Variants in ADARB1 observed in about 807,000 individuals in gnomAD.
ADARB1 encodes the protein adenosine deaminase RNA specific B1.
ADARB1 carries 10 observed loss-of-function variants against 52.4 expected under a neutral mutation model. The ratio of observed to expected loss-of-function variants is 0.19; its 90% confidence interval spans 0.12 to 0.32. The LOEUF (loss-of-function observed/expected upper bound fraction) is 0.32. ADARB1 is among the 10% of genes least tolerant of loss of function. The probability of loss-of-function intolerance (pLI) is 1.00; values close to 1 mark genes in which losing one functional copy is unlikely to be tolerated. For synonymous variants in ADARB1, 349 were observed against 371.1 expected (o/e 0.94, Z 0.68); for missense variants, 643 against 922.3 (o/e 0.70, Z 3.92).
At position 45,224,402 on chromosome 21, in the gene ADARB1, C is replaced by G. The variant is rs865885198; in HGVS notation, c.*2205C>G. On this transcript the variant is annotated 3_prime_UTR_variant, in exon 11 of 11. Coordinates refer to ENST00000348831, the MANE Select transcript of ADARB1 (RefSeq NM_001112.4). ...AGGTGGCACCTTTCCGGGGTGGACT[C>G]GTGCGGCCTTGAGGACAGGCACAGG... 1.0e-6 allele frequency: 1 copy of G among 981,050 alleles called. No individual in the cohort carries two copies. The highest frequency in any genetic ancestry group is 1.2e-6 in the Non-Finnish European group (1 of 828,810). 60.8% of individuals were successfully genotyped at this position (981,050 alleles called of 1,614,324 possible).
At position 45,142,732 on chromosome 21, in the gene ADARB1, C is replaced by T. The variant is rs1392467236; in HGVS notation, c.-48+14159C>T. ...TGTGCAGCTGCTGCGGCCTAAGCGGCGTCCTTGCTTGGTCCCCCCATGAAC... is the reference window on the plus strand; with the variant it reads ...TGTGCAGCTGCTGCGGCCTAAGCGGTGTCCTTGCTTGGTCCCCCCATGAAC... On this transcript the variant is annotated intron_variant, in intron 2 of 10. Coordinates refer to ENST00000348831, the MANE Select transcript of ADARB1 (RefSeq NM_001112.4). This position sits in a 1 kb window ranked among gnomAD's most constrained non-coding sequence, Gnocchi z 4.0. 2.0e-5 allele frequency among the ~76,000 whole-genome samples: 3 copies of T among 152,268 alleles called. No individual in the cohort carries two copies. The highest frequency in any genetic ancestry group is 2.9e-5 in the Non-Finnish European group (2 of 68,008).
At chr21:45,147,393 G>C (rs532607010) in intron 2 of ADARB1, among the ~76,000 whole-genome samples, 1 of 152,296 alleles carries the variant, frequency 6.6e-6, no homozygotes, top group South Asian at 2.1e-4. Context: ...GACGTCCTCT[G>C]TTGGGGATAC....
chr21:45,116,750 A>C (rs995996037), intron 1 of ADARB1, among the ~76,000 whole-genome samples: 2 of 152,072 alleles, frequency 1.3e-5, no homozygotes, highest in African/African-American at 2.4e-5. Flanking sequence ...GTGAGAACTC[A>C]CTCACTATCA....
intron 2 of ADARB1, among the ~76,000 whole-genome samples, chr21:45,164,542 C>T (rs1483797602): frequency 3.1e-5 from 1 of 32,672 alleles, no homozygotes. Flanking sequence ...GGGAGCGGGG[C>T]GGTGGGGTGG....
chr21:45,161,018 A>G (rs530097107), intron 2 of ADARB1, among the ~76,000 whole-genome samples: 1 of 152,366 alleles, frequency 6.6e-6, no homozygotes, highest in South Asian at 2.1e-4. Flanking sequence ...ATAACTTGGC[A>G]GGATTAATTG....
chr21:45,147,639 A>G (rs1410871712), intron 2 of ADARB1, among the ~76,000 whole-genome samples: 3 of 152,216 alleles, frequency 2.0e-5, no homozygotes, highest in African/African-American at 7.2e-5. Context: ...GGGGGTGCAC[A>G]GGAACAGCAC....
At chr21:45,141,441 T>TA (rs1375898888) in intron 2 of ADARB1, among the ~76,000 whole-genome samples, 1 of 152,188 alleles carries the variant, frequency 6.6e-6, no homozygotes, top group Non-Finnish European at 1.5e-5. Flanking sequence ...TAAGAATCTT[T>TA]AAAGAAATAC....
At position 45,184,946 on chromosome 21, in the gene ADARB1, C is replaced by A; in HGVS notation, c.1420C>A (p.Arg474Ser). Residue 474 changes from arginine (R) to serine (S), a missense_variant, in exon 8 of 11, where the codon CGT becomes AGT. Transcript: ENST00000348831. ...AGAACCAGCAGATAGACACCCAAAT[C>A]GTAAAGCAAGAGGACAGCTACGGAC... ...LEEPADRHPN[R>S]KARGQLRTKI... The A allele has an allele frequency of 6.2e-7, 1 of 1,612,960 alleles. No individual in the cohort carries two copies. Among genetic ancestry groups the A allele is most frequent in the Non-Finnish European group, 8.5e-7 (1 of 1,179,034 alleles).
intron 8 of ADARB1, among the ~76,000 whole-genome samples, chr21:45,198,125 A>G (rs2092466251): frequency 6.6e-6 from 1 of 152,252 alleles, no homozygotes; most frequent in Non-Finnish European, 1.5e-5. Flanking sequence ...GAAAAATTCA[A>G]ATAAGTTAGA....
In ADARB1 at chr21:45,169,562, T is replaced by C. The variant is rs533681123; in HGVS notation, c.-47-2048T>C. On this transcript the variant is annotated intron_variant, in intron 2 of 10. Coordinates refer to ENST00000348831, the MANE Select transcript of ADARB1 (RefSeq NM_001112.4). ...GAGGCCCCCTGGCTTGTCAGCTTTC[T>C]CTACATCTCTCAGTCTTTTTATGTG... Among the ~76,000 whole-genome samples the C allele has an allele frequency of 6.6e-5, 10 of 152,344 alleles. No homozygotes were observed. The East Asian group carries it at 1.9e-3, about 29-fold the overall frequency.
intron 3 of ADARB1, among the ~76,000 whole-genome samples, chr21:45,174,738 CATAA>C (rs1406788170): frequency 4.0e-5 from 6 of 151,662 alleles, no homozygotes; most frequent in South Asian, 4.2e-4. Context: ...TGTATAAATC[CATAA>C]ATAAATAAAA....
chr21:45,181,280 ACT>A (rs981924532), intron 5 of ADARB1, among the ~76,000 whole-genome samples: 2 of 151,868 alleles, frequency 1.3e-5, no homozygotes, highest in Non-Finnish European at 2.9e-5. Flanking sequence ...CCTCTATCAG[ACT>A]CTGCAGCCCT....
intron 1 of ADARB1, among the ~76,000 whole-genome samples, chr21:45,091,039 CA>C (rs2086543186): frequency 6.6e-6 from 1 of 152,226 alleles, no homozygotes; most frequent in Non-Finnish European, 1.5e-5. Context: ...TATAAACTGA[CA>C]TTTTTCATTC....
intron 2 of ADARB1, among the ~76,000 whole-genome samples, chr21:45,155,115 G>T (rs370359817): frequency 6.6e-6 from 1 of 152,200 alleles, no homozygotes; most frequent in Non-Finnish European, 1.5e-5. Flanking sequence ...GTGCTTAGTC[G>T]TGTATGCACA....
intron 2 of ADARB1, among the ~76,000 whole-genome samples, chr21:45,130,215 A>G (rs1437630099): frequency 6.6e-6 from 1 of 152,236 alleles, no homozygotes; most frequent in Non-Finnish European, 1.5e-5. Flanking sequence ...TTAACATGCC[A>G]CAGAAGTAAA....
At chr21:45,199,168 G>C (rs2092494642) in intron 8 of ADARB1, among the ~76,000 whole-genome samples, 1 of 152,210 alleles carries the variant, frequency 6.6e-6, no homozygotes, top group Non-Finnish European at 1.5e-5. Flanking sequence ...GCCCAGAGAA[G>C]CTCTGGTGGC....
chr21:45,161,984 G>T (rs1462551059), intron 2 of ADARB1, among the ~76,000 whole-genome samples: 1 of 152,138 alleles, frequency 6.6e-6, no homozygotes, highest in Admixed American at 6.5e-5. Context: ...ACTTGTCCAC[G>T]CACCTCATTC....
chr21:45,116,617 A>G (rs1203927877), intron 1 of ADARB1, among the ~76,000 whole-genome samples: 1 of 152,274 alleles, frequency 6.6e-6, no homozygotes, highest in Non-Finnish European at 1.5e-5. Flanking sequence ...ATGACTGAGA[A>G]GGCCTCAGGA....
Position 45,222,111 on chromosome 21 carries a change from C to T in ADARB1, c.2020C>T (p.Arg674Cys), listed in dbSNP as rs1246609989. 6.8e-6 allele frequency: 11 copies of T among 1,612,982 alleles called. No individual in the cohort carries two copies. Among genetic ancestry groups the T allele is most frequent in the East Asian group, 4.5e-5 (2 of 44,892 alleles). ...AAAGGAGTACCAGGCCGCCAAGGCG[C>T]GTCTGTTCACAGCCTTCATCAAGGC... The part of the protein sequence containing the change: ...AAKEYQAAKA[R>C]LFTAFIKAGL... The change falls in exon 11 of 11, where the codon CGT becomes TGT. Residue 674 changes from arginine (R) to cysteine (C), a missense_variant. Physicochemically the swap from Arg to Cys is radical, Grantham distance 180. Transcript: ENST00000348831.
Sources: gnomAD v4.1 joint callset for allele counts (sites outside exome capture counted in the v4.1 genomes callset) on GRCh38, gnomAD v4.1.1 for gene constraint, Gnocchi (gnomAD v3.1) non-coding constraint, MANE v1.5 for transcripts, NCBI Gene and HGNC (gene_info 2026-07-23, HGNC 2026-07-21) for gene names.